The following PALLD variants were observed in gnomAD, a reference collection of about 807,000 sequenced individuals.
PALLD encodes palladin, cytoskeletal associated protein, also known as palladin.
Under a neutral mutation model 123.5 loss-of-function variants are expected in PALLD, and 61 were observed. The observed-to-expected ratio is 0.49, with a 90% CI of 0.40 to 0.61. The LOEUF is 0.61. PALLD is among the 20% of genes least tolerant of loss of function. PALLD has a pLI of 0.00. For synonymous variants in PALLD, 465 were observed against 496.4 expected (o/e 0.94, Z 0.84); for missense variants, 1,273 against 1,377.0 (o/e 0.92, Z 1.20).
intron 10 of PALLD, chr4:168,864,266 A>G (rs950341687): frequency 6.6e-6 from 1 of 152,208 alleles, no homozygotes; most frequent in Admixed American, 6.5e-5. Context: ...GATTTTGAAC[A>G]TATCTTTTCT....
chr4:168,521,055 T>A (rs1763514435), intron 2 of PALLD, among the ~76,000 whole-genome samples: 1 of 152,098 alleles, frequency 6.6e-6, no homozygotes, highest in Admixed American at 6.5e-5. Flanking sequence ...AAGGTAGAGA[T>A]TTTTTAATGT....
At chr4:168,849,465 A>G (rs1305953327) in intron 10 of PALLD, among the ~76,000 whole-genome samples, 7 of 152,226 alleles carry the variant, frequency 4.6e-5, no homozygotes, top group Admixed American at 3.9e-4. Context: ...GACAGTGTAT[A>G]TTTTGGCACT....
At chr4:168,735,962 G>T (rs541095293) in intron 10 of PALLD, among the ~76,000 whole-genome samples, 2 of 152,168 alleles carry the variant, frequency 1.3e-5, no homozygotes, top group Admixed American at 1.3e-4. Flanking sequence ...ACATTCCACA[G>T]GTTAACCCAA....
chr4:168,894,547 AT>A (rs1361397924), intron 11 of PALLD, 31 bp from the exon 12 acceptor site: 1 of 1,443,400 alleles, frequency 6.9e-7, no homozygotes, highest in East Asian at 2.3e-5. Context: ...TTTTTTTCTA[AT>A]TTTGTATTTT....
rs540200575 is a variant in PALLD at position 168,837,937 on chromosome 4, T to C, written c.1965-52985T>C. Among the ~76,000 whole-genome samples the C allele has an allele frequency of 1.3e-3, 197 of 152,296 alleles. 1 individual carries two copies. Among genetic ancestry groups the C allele is most frequent in the Non-Finnish European group, 2.0e-3 (139 of 68,028 alleles). ...ACAGCTAGTGCCTCAGATACAGTTA[T>C]GTGCTATGTGGTAAAATAGATCTAG... On this transcript the variant is annotated intron_variant, in intron 10 of 21. Transcript: ENST00000505667.
chr4:168,785,338 C>T (rs1736562543), intron 10 of PALLD, among the ~76,000 whole-genome samples: 1 of 152,060 alleles, frequency 6.6e-6, no homozygotes, highest in Non-Finnish European at 1.5e-5. Context: ...TTCCTGCCTC[C>T]TCTACTGGTT....
intron 10 of PALLD, among the ~76,000 whole-genome samples, chr4:168,766,755 A>T (rs1314900091): frequency 6.6e-6 from 1 of 152,316 alleles, no homozygotes; most frequent in East Asian, 1.9e-4. Flanking sequence ...ATCAACTATG[A>T]AGCTGTTGGA....
intron 2 of PALLD, among the ~76,000 whole-genome samples, chr4:168,591,062 A>G (rs976302409): frequency 6.6e-6 from 1 of 151,944 alleles, no homozygotes; most frequent in African/African-American, 2.4e-5. Context: ...CACTTTTAGT[A>G]GAGACAGAGT....
chr4:168,780,764 T>G (rs1735801333), intron 10 of PALLD, among the ~76,000 whole-genome samples: 2 of 152,184 alleles, frequency 1.3e-5, no homozygotes, highest in South Asian at 4.1e-4. Flanking sequence ...CTCGGCTCAC[T>G]GCAGCCTCTG....
At chr4:168,667,716 C>T (rs977384659) in intron 2 of PALLD, among the ~76,000 whole-genome samples, 1 of 152,168 alleles carries the variant, frequency 6.6e-6, no homozygotes, top group African/African-American at 2.4e-5. Flanking sequence ...CTCAGCTGAT[C>T]AGAAGTCTTA....
intron 2 of PALLD, among the ~76,000 whole-genome samples, chr4:168,534,586 G>A (rs905627999): frequency 1.3e-5 from 2 of 152,078 alleles, no homozygotes; most frequent in Non-Finnish European, 2.9e-5. Flanking sequence ...GGTATAATAG[G>A]GGAAGTGGTT....
intron 10 of PALLD, among the ~76,000 whole-genome samples, chr4:168,864,883 C>T (rs113333286): frequency 0.012 from 1,793 of 152,290 alleles, 45 homozygotes; most frequent in African/African-American, 0.041. Context: ...TTTGACAGAA[C>T]GCCAGATGAA....
At chr4:168,802,122 G>A (rs1249360366) in intron 10 of PALLD, among the ~76,000 whole-genome samples, 1 of 152,094 alleles carries the variant, frequency 6.6e-6, no homozygotes, top group East Asian at 1.9e-4. Flanking sequence ...TTACTTCTCG[G>A]GAATGCTCCA....
intron 2 of PALLD, among the ~76,000 whole-genome samples, chr4:168,557,664 T>A (rs1053134528): frequency 1.8e-4 from 27 of 152,210 alleles, no homozygotes; most frequent in Admixed American, 1.4e-3. Flanking sequence ...ATAGACACTA[T>A]CCACTGTTAC....
At chr4:168,614,078 G>T (rs1773991040) in intron 2 of PALLD, among the ~76,000 whole-genome samples, 1 of 152,190 alleles carries the variant, frequency 6.6e-6, no homozygotes, top group South Asian at 2.1e-4. Context: ...TAACTCTGTG[G>T]ATGGCGCCTT....
At chr4:168,545,485 C>T (rs1431688895) in intron 2 of PALLD, among the ~76,000 whole-genome samples, 8 of 151,796 alleles carry the variant, frequency 5.3e-5, no homozygotes, top group African/African-American at 1.2e-4. Context: ...GCCGAGATTG[C>T]ACCACTGCAC....
At chr4:168,752,545 G>T (rs1170616542) in intron 10 of PALLD, among the ~76,000 whole-genome samples, 1 of 152,180 alleles carries the variant, frequency 6.6e-6, no homozygotes, top group Non-Finnish European at 1.5e-5. Context: ...GTACTAAGAT[G>T]ATTCTAGATT....
chr4:168,614,298 A>G (rs994178426), intron 2 of PALLD, among the ~76,000 whole-genome samples: 16 of 152,234 alleles, frequency 1.1e-4, no homozygotes, highest in African/African-American at 3.9e-4. Flanking sequence ...ATAGTAATAA[A>G]TTAAAGGAAG....
chr4:168,924,980 T>G lies in PALLD; in HGVS notation c.3260T>G (p.Leu1087Arg), dbSNP rs1293139326. 6.2e-7 allele frequency: 1 copy of G among 1,614,040 alleles called. No homozygotes were observed. The highest frequency in any genetic ancestry group is 8.5e-7 in the Non-Finnish European group (1 of 1,180,004). ...GACAACCACGGCTACATCTGCCTGCTCATTCAGGGAGCCACAAAAGAAGAT... is the reference window on the plus strand; with the variant it reads ...GACAACCACGGCTACATCTGCCTGCGCATTCAGGGAGCCACAAAAGAAGAT... ...HQDNHGYICL[L>R]IQGATKEDAG... The change falls in exon 20 of 22, where the codon CTC becomes CGC. Residue 1087 changes from leucine (L) to arginine (R), a missense_variant. This residue lies in a region of PALLD where 329 missense variants were observed against 422.5 expected (regional missense o/e 0.78). Coordinates refer to ENST00000505667, the MANE Select transcript of PALLD (RefSeq NM_001166108.2).
Sources: allele counts gnomAD v4.1 joint callset (sites outside exome capture counted in the v4.1 genomes callset), GRCh38; gene constraint gnomAD v4.1.1; regional missense constraint gnomAD v4.1.1; transcripts MANE v1.5; gene names NCBI Gene and HGNC (gene_info 2026-07-23, HGNC 2026-07-21).